The following CCDC32 variants were observed in gnomAD, a reference collection of about 807,000 sequenced individuals.
CCDC32 encodes coiled-coil domain-containing protein 32.
A neutral mutation model predicts 20.1 loss-of-function variants in CCDC32; 9 were observed. The observed-to-expected ratio is 0.45, with a 90% confidence interval of 0.27 to 0.78. The LOEUF (loss-of-function observed/expected upper bound fraction) is 0.78. CCDC32 is among the 30% of genes least tolerant of loss of function. CCDC32 has a pLI of 0.16. For missense variants in CCDC32, 204 were observed against 215.5 expected (o/e 0.95, Z 0.33); for synonymous variants, 63 against 79.0 (o/e 0.80, Z 1.07).
At chr15:40,562,140 A>G (rs1011077545) in intron 2 of CCDC32, 9 of 151,458 alleles carry the variant, frequency 5.9e-5, no homozygotes, top group Admixed American at 3.3e-4. Flanking sequence ...TTCTTGCAGG[A>G]TGGCATAAGG....
At chr15:40,522,130 C>T in the CCDC32 span, among the ~76,000 whole-genome samples, 1 of 152,062 alleles carries the variant, frequency 6.6e-6, no homozygotes, top group Admixed American at 6.6e-5. Context: ...AAATATGTGG[C>T]ATGTAGGGTG....
intron 3 of CCDC32, chr15:40,556,508 G>T (rs1327738105): frequency 6.6e-6 from 1 of 152,196 alleles, no homozygotes; most frequent in Non-Finnish European, 1.5e-5. Flanking sequence ...AATTTAGTCT[G>T]CGTAAATTCA....
At chr15:40,548,217 G>A (rs569054520), downstream of CCDC32, among the ~76,000 whole-genome samples, 42 of 152,228 alleles carry the variant, frequency 2.8e-4, 1 homozygote, top group East Asian at 1.5e-3. Context: ...TTGTTAGGAC[G>A]GAAGGGACAT....
chr15:40,532,179 T>C, downstream of CCDC32: 2 of 626,160 alleles, frequency 3.2e-6, no homozygotes, highest in East Asian at 5.6e-5. Context: ...TTCATTATTA[T>C]ACACAGGATC....
chr15:40,561,899 G>A (rs187231110), intron 2 of CCDC32: 2 of 135,684 alleles, frequency 1.5e-5, no homozygotes, highest in East Asian at 2.0e-4. Flanking sequence ...CCTAGCATGG[G>A]ACAATTTGAA....
At chr15:40,550,662 T>C (rs1381088890), downstream of CCDC32, among the ~76,000 whole-genome samples, 1 of 152,228 alleles carries the variant, frequency 6.6e-6, no homozygotes, top group Non-Finnish European at 1.5e-5. Context: ...TTAGAGCCAT[T>C]GTTTACGCTG....
downstream of CCDC32, chr15:40,538,436 G>A (rs1372037338): frequency 1.3e-5 from 2 of 152,202 alleles, no homozygotes; most frequent in African/African-American, 2.4e-5. Context: ...GGGGTCACAG[G>A]GCACCTGTGG....
intron 2 of CCDC32, among the ~76,000 whole-genome samples, chr15:40,562,372 G>A (rs972846209): frequency 6.6e-6 from 1 of 151,992 alleles, no homozygotes; most frequent in South Asian, 2.1e-4. Context: ...TCAGGCATTC[G>A]AGACCAGCCT....
At chr15:40,526,970 TC>T (rs1377790355), downstream of CCDC32, among the ~76,000 whole-genome samples, 2 of 152,126 alleles carry the variant, frequency 1.3e-5, no homozygotes, top group African/African-American at 4.8e-5. Flanking sequence ...TGAGACAGGG[TC>T]TTGCCAGAGC....
At chr15:40,560,864 C>T (rs1461821781) in intron 2 of CCDC32, among the ~76,000 whole-genome samples, 2 of 152,280 alleles carry the variant, frequency 1.3e-5, no homozygotes, top group Non-Finnish European at 2.9e-5. Flanking sequence ...AATCCCACTA[C>T]GAGGTGTTTA....
chr15:40,535,398 TAA>T, downstream of CCDC32: 1 of 1,017,340 alleles, frequency 9.8e-7, no homozygotes, highest in Non-Finnish European at 1.2e-6. Context: ...TTTATATTTC[TAA>T]CCCTTTGCAG....
chr15:40,547,213 G>C (rs1201453740), intron 3 of CCDC32, among the ~76,000 whole-genome samples: 1 of 152,058 alleles, frequency 6.6e-6, no homozygotes, highest in Admixed American at 6.6e-5. Context: ...TTCCTCTAGT[G>C]GTGGGCTGCT....
chr15:40,557,481 C>T (rs8029384), intron 2 of CCDC32, 109 bp from the exon 3 acceptor site: 2 of 1,126,616 alleles, frequency 1.8e-6, no homozygotes, highest in South Asian at 1.6e-5. Flanking sequence ...ATGAGGACAT[C>T]CACACTCCCT....
downstream of CCDC32, among the ~76,000 whole-genome samples, chr15:40,526,527 A>G (rs1464618654): frequency 1.3e-5 from 2 of 152,176 alleles, no homozygotes; most frequent in Non-Finnish European, 2.9e-5. Context: ...TTCCATTACA[A>G]GTAATGCTGC....
chr15:40,523,080 G>A, the CCDC32 span, among the ~76,000 whole-genome samples: 1 of 151,382 alleles, frequency 6.6e-6, no homozygotes, highest in Admixed American at 6.6e-5. Flanking sequence ...TCAGGAGTTT[G>A]AGACTAGCCT....
At chr15:40,527,060 C>T (rs991391565), downstream of CCDC32, among the ~76,000 whole-genome samples, 2 of 152,180 alleles carry the variant, frequency 1.3e-5, no homozygotes, top group South Asian at 2.1e-4. Context: ...AAATGATCCT[C>T]CCGTCTCAGC....
downstream of CCDC32, among the ~76,000 whole-genome samples, chr15:40,530,291 CAAAA>C (rs3068017): frequency 1.0e-5 from 1 of 99,558 alleles, no homozygotes; most frequent in African/African-American, 3.8e-5. Context: ...AACTACATCT[CAAAA>C]AAAAAAAAAA....
At chr15:40,552,683 G>C (rs1889943369), downstream of CCDC32, among the ~76,000 whole-genome samples, 1 of 143,590 alleles carries the variant, frequency 7.0e-6, no homozygotes, top group African/African-American at 2.6e-5. Context: ...GCTGAGGTGG[G>C]AGGATCACCT....
rs1214734159 is a variant in CCDC32, at chr15:40,540,369, T to C, written c.402-1014A>G. On this transcript the variant is annotated intron_variant, in intron 3 of 3. Transcript: ENST00000558113. ...CTTAGCATTTTTTTCTTTTTCTTTT[T>C]CTTTTTTTTTTTTTTTGAGGTGGCG... Among the ~76,000 whole-genome samples the C allele has an allele frequency of 3.4e-5, 5 of 145,964 alleles. No homozygotes were observed. In the East Asian group the frequency reaches 7.8e-4, roughly 23 times the overall value.
Sources: gnomAD v4.1 joint callset for allele counts (sites outside exome capture counted in the v4.1 genomes callset) on GRCh38, gnomAD v4.1.1 for gene constraint, MANE v1.5 for transcripts, NCBI Gene and HGNC (gene_info 2026-07-23, HGNC 2026-07-21) for gene names.